The following DISC1 variants were observed in gnomAD, a reference collection of about 807,000 sequenced individuals.
DISC1 encodes the protein disrupted in schizophrenia 1 protein.
Under a neutral mutation model 84.5 loss-of-function variants are expected in DISC1, and 57 were observed. The ratio of observed to expected loss-of-function variants is 0.67; its 90% CI spans 0.55 to 0.84. The LOEUF is 0.84. Among genes scored for constraint, DISC1 ranks in the 40% least tolerant of loss-of-function variants. DISC1 has a pLI of 0.00. For missense variants in DISC1, 1,000 were observed against 1,057.8 expected (o/e 0.95, Z 0.76); for synonymous variants, 411 against 415.2 (o/e 0.99, Z 0.12).
At chr1:231,701,810 A>C in intron 2 of DISC1, 145 bp from the exon 3 acceptor site, 1 of 731,560 alleles carries the variant, frequency 1.4e-6, no homozygotes, top group Admixed American at 3.6e-5. Flanking sequence ...CTGGCATTGA[A>C]AAAATGTGCA....
chr1:231,773,712 A>G (rs1278939273), intron 6 of DISC1, among the ~76,000 whole-genome samples: 1 of 152,148 alleles, frequency 6.6e-6, no homozygotes, highest in East Asian at 1.9e-4. Context: ...AAGGCATTTC[A>G]AAAGTTGTGG....
chr1:232,019,722 T>C (rs1201831461), intron 11 of DISC1, among the ~76,000 whole-genome samples: 1 of 152,190 alleles, frequency 6.6e-6, no homozygotes, highest in Non-Finnish European at 1.5e-5. Context: ...TGGATACTCA[T>C]GTTCTTATTT....
chr1:231,911,269 C>G (rs189591368), intron 9 of DISC1, among the ~76,000 whole-genome samples: 2,144 of 152,228 alleles, frequency 0.014, 42 homozygotes, highest in African/African-American at 0.048. Context: ...TCTTCCTAGC[C>G]TCGATGGTCT....
At chr1:231,792,313 A>G (rs1048100140) in intron 6 of DISC1, among the ~76,000 whole-genome samples, 2 of 152,230 alleles carry the variant, frequency 1.3e-5, no homozygotes, top group Non-Finnish European at 2.9e-5. Flanking sequence ...ATCTCAGCCC[A>G]GACAAGTGAA....
At chr1:232,015,137 T>C (rs1410396129) in intron 11 of DISC1, among the ~76,000 whole-genome samples, 1 of 152,200 alleles carries the variant, frequency 6.6e-6, no homozygotes, top group Non-Finnish European at 1.5e-5. Flanking sequence ...AGCTGGCTCC[T>C]GCTTGTTCTC....
At chr1:231,786,310 G>T (rs1031750052) in intron 6 of DISC1, among the ~76,000 whole-genome samples, 2 of 152,258 alleles carry the variant, frequency 1.3e-5, no homozygotes, top group Non-Finnish European at 2.9e-5. Flanking sequence ...TGGAGCCCCA[G>T]ATGAAAGTGA....
chr1:231,785,561 A>G (rs138641446), intron 6 of DISC1, among the ~76,000 whole-genome samples: 12 of 151,950 alleles, frequency 7.9e-5, no homozygotes, highest in African/African-American at 2.2e-4. Flanking sequence ...CCCAAAGTGC[A>G]TGGGTTACAG....
chr1:231,641,294 C>A (rs541837651), intron 1 of DISC1, among the ~76,000 whole-genome samples: 1 of 152,130 alleles, frequency 6.6e-6, no homozygotes, highest in Admixed American at 6.5e-5. Context: ...TTCTGATGTT[C>A]GGATGTGTTC....
intron 3 of DISC1, among the ~76,000 whole-genome samples, chr1:231,744,459 T>C (rs548438481): frequency 1.7e-4 from 26 of 152,384 alleles, no homozygotes; most frequent in African/African-American, 4.8e-4. Context: ...CTCATTAGAA[T>C]GGATTCCAAT....
Position 231,627,592 on chromosome 1 carries a change from T to G in DISC1, c.67+658T>G, listed in dbSNP as rs200613949. 2.8e-3 allele frequency among the ~76,000 whole-genome samples: 421 copies of G among 152,364 alleles called. 1 individual carries two copies. Among genetic ancestry groups the G allele is most frequent in the Middle Eastern group, 3.4e-3 (1 of 294 alleles). On this transcript the variant is annotated intron_variant, in intron 1 of 12. Coordinates refer to ENST00000439617, the MANE Select transcript of DISC1 (RefSeq NM_018662.3). ...GGAGCGCGGGTCTCGCTGTCAACTC[T>G]TAGTGATGATTGTGGATGGTTGTTT...
chr1:231,853,790 C>A (rs1253068118), intron 9 of DISC1, among the ~76,000 whole-genome samples: 1 of 152,204 alleles, frequency 6.6e-6, no homozygotes, highest in African/African-American at 2.4e-5. Flanking sequence ...GACCCAGGGC[C>A]AAGATACAGC....
At chr1:232,026,376 T>G in intron 11 of DISC1, 59 bp from the exon 12 acceptor site, 1 of 1,211,922 alleles carries the variant, frequency 8.3e-7, no homozygotes, top group South Asian at 1.4e-5. Context: ...AAGCTTCCCT[T>G]TGTGTTCTGT....
At chr1:231,905,411 GA>G (rs2126037060) in intron 9 of DISC1, among the ~76,000 whole-genome samples, 2 of 152,234 alleles carry the variant, frequency 1.3e-5, no homozygotes, top group East Asian at 1.9e-4. Flanking sequence ...TTGAGCCTGA[GA>G]GTTCGAAACC....
intron 9 of DISC1, among the ~76,000 whole-genome samples, chr1:231,950,491 G>GA: frequency 6.6e-6 from 1 of 152,264 alleles, no homozygotes; most frequent in South Asian, 2.1e-4. Context: ...TTTCCATTTA[G>GA]AAAAAGCATT....
At chr1:231,984,585 A>C (rs1332254113) in intron 10 of DISC1, among the ~76,000 whole-genome samples, 1 of 152,148 alleles carries the variant, frequency 6.6e-6, no homozygotes. Context: ...CATGCACCAG[A>C]CCTCAGGCTG....
chr1:231,694,831 CCCGAGA>C, intron 2 of DISC1, 26 bp downstream of exon 2: 2 of 1,610,156 alleles, frequency 1.2e-6, no homozygotes, highest in Non-Finnish European at 1.7e-6. Context: ...ACCTCTGTGG[CCCGAGA>C]TTGTCGTGAG....
intron 9 of DISC1, among the ~76,000 whole-genome samples, chr1:231,827,914 T>G (rs1366398129): frequency 6.6e-6 from 1 of 152,194 alleles, no homozygotes; most frequent in Non-Finnish European, 1.5e-5. Context: ...ATCAAAAATT[T>G]ATGAGGCAGG....
intron 1 of DISC1, among the ~76,000 whole-genome samples, chr1:231,689,877 G>A (rs964200962): frequency 3.9e-5 from 6 of 152,118 alleles, no homozygotes; most frequent in Non-Finnish European, 5.9e-5. Flanking sequence ...AGTGATGGAG[G>A]GAATGAGTGA....
intron 8 of DISC1, among the ~76,000 whole-genome samples, chr1:231,810,762 A>G (rs973645792): frequency 6.6e-6 from 1 of 152,158 alleles, no homozygotes; most frequent in East Asian, 1.9e-4. Flanking sequence ...GTGGGTCCTA[A>G]GTTGGAATCG....
Sources: allele counts gnomAD v4.1 joint callset (sites outside exome capture counted in the v4.1 genomes callset), GRCh38; gene constraint gnomAD v4.1.1; transcripts MANE v1.5; gene names NCBI Gene and HGNC (gene_info 2026-07-23, HGNC 2026-07-21).